The following NRG1 variants were observed in gnomAD, a reference collection of about 807,000 sequenced individuals.
NRG1 encodes neuregulin 1.
Under a neutral mutation model 63.8 loss-of-function variants are expected in NRG1, and 18 were observed. The ratio of observed to expected loss-of-function variants is 0.28; its 90% CI spans 0.19 to 0.42. The LOEUF (loss-of-function observed/expected upper bound fraction) is 0.42. Among genes scored for constraint, NRG1 ranks in the 10% least tolerant of loss-of-function variants. The probability of loss-of-function intolerance (pLI) is 1.00; values close to 1 mark genes in which losing one functional copy is unlikely to be tolerated. For synonymous variants in NRG1, 302 were observed against 301.3 expected (o/e 1.00, Z -0.02); for missense variants, 762 against 814.7 (o/e 0.94, Z 0.79).
chr8:32,105,323 T>C (rs1438392054), intron 1 of NRG1, among the ~76,000 whole-genome samples: 1 of 152,200 alleles, frequency 6.6e-6, no homozygotes, highest in Non-Finnish European at 1.5e-5. Context: ...CTTAATGGAC[T>C]CACAGTTCCG....
intron 1 of NRG1, among the ~76,000 whole-genome samples, chr8:32,105,430 T>A (rs760151145): frequency 2.6e-5 from 4 of 152,106 alleles, no homozygotes; most frequent in Non-Finnish European, 5.9e-5. Flanking sequence ...GAAACTCCCC[T>A]TTATGAAACC....
At chr8:31,972,411 A>T (rs1394713910) in intron 1 of NRG1, among the ~76,000 whole-genome samples, 2 of 152,094 alleles carry the variant, frequency 1.3e-5, no homozygotes, top group Non-Finnish European at 2.9e-5. Context: ...ACAGGAATCT[A>T]CTTTCTTGGC....
chr8:32,412,429 T>TATATATATATATATATATAC (rs1815147775), intron 1 of NRG1, among the ~76,000 whole-genome samples: 2 of 44,444 alleles, frequency 4.5e-5, no homozygotes, highest in Admixed American at 2.4e-4. Context: ...TCTACATATA[T>TATATATATATATATATATAC]ATATATATAT....
intron 1 of NRG1, among the ~76,000 whole-genome samples, chr8:32,397,524 CAAA>C (rs58798252): frequency 2.2e-5 from 3 of 139,264 alleles, no homozygotes. Context: ...GACTTAACAT[CAAA>C]AAAAAAAAAA....
chr8:31,805,936 A>G (rs1265302774), intron 1 of NRG1, among the ~76,000 whole-genome samples: 1 of 152,042 alleles, frequency 6.6e-6, no homozygotes, highest in Non-Finnish European at 1.5e-5. Context: ...AAGAATTCTG[A>G]CTGAAAATAT....
intron 1 of NRG1, among the ~76,000 whole-genome samples, chr8:32,222,522 A>G (rs1227789011): frequency 6.6e-6 from 1 of 152,210 alleles, no homozygotes; most frequent in Non-Finnish European, 1.5e-5. Context: ...AGAAATCTTG[A>G]CCCACTATAA....
chr8:32,632,487 T>C (rs1156698275), intron 5 of NRG1, among the ~76,000 whole-genome samples: 4 of 145,204 alleles, frequency 2.8e-5, no homozygotes, highest in African/African-American at 5.2e-5. Context: ...AGGCAGAGGT[T>C]GCGGTGAGCT....
At chr8:31,979,645 T>C (rs140436358) in intron 1 of NRG1, among the ~76,000 whole-genome samples, 218 of 152,234 alleles carry the variant, frequency 1.4e-3, no homozygotes, top group Non-Finnish European at 2.0e-3. Flanking sequence ...CTTCAATTAA[T>C]GATTATCTAT....
At chr8:31,802,103 T>C (rs554028747) in intron 1 of NRG1, among the ~76,000 whole-genome samples, 1 of 152,358 alleles carries the variant, frequency 6.6e-6, no homozygotes, top group Admixed American at 6.5e-5. Context: ...CAACAGAAAT[T>C]TGTGCTTCAC....
chr8:32,464,986 C>T (rs1269603361), intron 1 of NRG1, among the ~76,000 whole-genome samples: 2 of 152,004 alleles, frequency 1.3e-5, no homozygotes, highest in East Asian at 1.9e-4. Context: ...ACCAGCCTGG[C>T]CCACATGGTG....
intron 5 of NRG1, among the ~76,000 whole-genome samples, chr8:32,713,460 A>G (rs933770731): frequency 2.1e-4 from 32 of 152,042 alleles, no homozygotes; most frequent in African/African-American, 7.7e-4. Context: ...GACCTTCCTA[A>G]TTGAGTTGAA....
chr8:31,975,249 A>C (rs1807972666), intron 1 of NRG1, among the ~76,000 whole-genome samples: 1 of 152,184 alleles, frequency 6.6e-6, no homozygotes, highest in African/African-American at 2.4e-5. Context: ...ACACAATGAC[A>C]GAACTACAAG....
At chr8:31,934,421 T>TCTC (rs1554580258) in intron 1 of NRG1, among the ~76,000 whole-genome samples, 1 of 92,214 alleles carries the variant, frequency 1.1e-5, no homozygotes, top group Admixed American at 1.0e-4. Flanking sequence ...ATTCGCTCTC[T>TCTC]TTTTTTTTTT....
chr8:32,321,717 A>C (rs2129476785), intron 1 of NRG1, among the ~76,000 whole-genome samples: 1 of 152,180 alleles, frequency 6.6e-6, no homozygotes, highest in East Asian at 1.9e-4. Context: ...AATGTTTAAA[A>C]CCTTCACAAA....
chr8:32,217,656 A>G (rs2132449677), intron 1 of NRG1, among the ~76,000 whole-genome samples: 1 of 152,316 alleles, frequency 6.6e-6, no homozygotes, highest in South Asian at 2.1e-4. Flanking sequence ...AAGGAGAGGA[A>G]CCATGCATTA....
chr8:32,251,634 C>T (rs1376987415), intron 1 of NRG1, among the ~76,000 whole-genome samples: 1 of 152,190 alleles, frequency 6.6e-6, no homozygotes, highest in East Asian at 1.9e-4. Context: ...AATCGCCGCA[C>T]TGTCTTCCAC....
chr8:31,874,187 G>A (rs1302057567), intron 1 of NRG1, among the ~76,000 whole-genome samples: 5 of 152,206 alleles, frequency 3.3e-5, no homozygotes, highest in East Asian at 3.9e-4. Flanking sequence ...GTCTTTCCTC[G>A]GGCTCAGTGA....
chr8:31,744,071 G>A (rs1815598986), intron 1 of NRG1, among the ~76,000 whole-genome samples: 1 of 151,822 alleles, frequency 6.6e-6, no homozygotes, highest in African/African-American at 2.4e-5. Flanking sequence ...TCTCTTATTG[G>A]TCAACCCCAG....
At chr8:32,402,175 A>G (rs558709619) in intron 1 of NRG1, among the ~76,000 whole-genome samples, 1 of 152,328 alleles carries the variant, frequency 6.6e-6, no homozygotes, top group East Asian at 1.9e-4. Context: ...GGCCTCCCGA[A>G]GTGCTGGGAT....
Sources: gnomAD v4.1 joint callset for allele counts (sites outside exome capture counted in the v4.1 genomes callset) on GRCh38, gnomAD v4.1.1 for gene constraint, MANE v1.5 for transcripts, NCBI Gene and HGNC (gene_info 2026-07-23, HGNC 2026-07-21) for gene names.